Variants in BCAS1 observed in about 807,000 individuals in gnomAD.
BCAS1 encodes the protein brain enriched myelin associated protein 1.
BCAS1 carries 46 observed loss-of-function variants against 65.4 expected under a neutral mutation model. The ratio of observed to expected loss-of-function variants is 0.70; its 90% CI spans 0.55 to 0.90. The LOEUF (loss-of-function observed/expected upper bound fraction) is 0.90, where lower values mean the gene tolerates loss of function less well. Ranked by LOEUF, BCAS1 falls within the 40% of genes least tolerant of loss-of-function variation. The probability of loss-of-function intolerance (pLI) is 0.00; values close to 1 mark genes in which losing one functional copy is unlikely to be tolerated. For synonymous variants in BCAS1, 298 were observed against 293.5 expected (o/e 1.02, Z -0.16); for missense variants, 793 against 771.2 (o/e 1.03, Z -0.33).
chr20:54,067,172 T>C (rs1027297059), intron 1 of BCAS1, among the ~76,000 whole-genome samples: 2 of 152,098 alleles, frequency 1.3e-5, no homozygotes, highest in African/African-American at 4.8e-5. Context: ...GTCAGGTGTT[T>C]GAGACCATCC....
intron 10 of BCAS1, among the ~76,000 whole-genome samples, chr20:53,962,506 A>C (rs771811421): frequency 1.5e-4 from 23 of 152,210 alleles, no homozygotes; most frequent in Non-Finnish European, 3.4e-4. Flanking sequence ...ATATTGACGA[A>C]GTATAAAACT....
intron 7 of BCAS1, among the ~76,000 whole-genome samples, chr20:53,985,989 A>G (rs150262712): frequency 6.6e-6 from 1 of 152,342 alleles, no homozygotes; most frequent in Admixed American, 6.5e-5. Context: ...ATTTTTCTCC[A>G]TACTCCACTT....
At chr20:53,985,563 G>T in intron 7 of BCAS1, 64 bp from the exon 8 acceptor site, 1 of 1,447,576 alleles carries the variant, frequency 6.9e-7, no homozygotes, top group South Asian at 1.2e-5. Flanking sequence ...AAAAATGGAA[G>T]ATCTCTTTTT....
intron 9 of BCAS1, among the ~76,000 whole-genome samples, chr20:53,967,929 T>G (rs1204229459): frequency 6.6e-6 from 1 of 152,222 alleles, no homozygotes; most frequent in East Asian, 1.9e-4. Flanking sequence ...TAATTTCCTT[T>G]GTTTCCTCAG....
rs953974884 is a variant in BCAS1, at chr20:54,066,192, T to C, written c.-6+4241A>G. 2.5e-3 allele frequency among the ~76,000 whole-genome samples: 386 copies of C among 152,034 alleles called. 2 individuals carry two copies. Among genetic ancestry groups the C allele is most frequent in the African/African-American group, 8.5e-3 (352 of 41,490 alleles). ...GGTTCACACCATTCTCCTGCCTCAG[T>C]CTCCCGAGTAGCTGGGACTACAGGC... is the stretch of plus-strand genomic sequence containing the variant. On this transcript the variant is annotated intron_variant, in intron 1 of 12. Transcript: ENST00000688948.
In BCAS1 at chr20:54,045,201, A is replaced by G. The variant is rs117641011; in HGVS notation, c.142+12884T>C. ...CACTCCAGCTGGGTGACAGAGCAAG[A>G]CCTCATCTCAAAAAAAAAAAAAAAA... On this transcript the variant is annotated intron_variant, in intron 3 of 12. Coordinates refer to ENST00000688948, the MANE Select transcript of BCAS1 (RefSeq NM_001366298.2). Among the ~76,000 whole-genome samples, 1,395 of 143,006 alleles carry G rather than the reference A, an allele frequency of 9.8e-3. 15 individuals carry two copies. The highest frequency in any genetic ancestry group is 0.015 in the Non-Finnish European group (1,017 of 66,620). The allele number at this position is 143,006 out of a possible 152,430, so 93.8% of individuals were successfully genotyped here.
chr20:54,058,692 T>C lies in BCAS1; in HGVS notation c.27A>G (p.Gln9=), dbSNP rs1814331925. MGNQMSVP[Q]RVEDQENEPE... ...GTTCATTCTCTTGGTCTTCAACTCT[T>C]TGGGGAACACTCATTTGGTTACCCA... is the stretch of plus-strand genomic sequence containing the variant. Residue 9 remains glutamine, a synonymous_variant, in exon 2 of 13, where the codon CAA becomes CAG. Transcript: ENST00000688948. The C allele has an allele frequency of 1.9e-6, 3 of 1,612,276 alleles. No homozygotes were observed. The highest frequency in any genetic ancestry group is 2.5e-6 in the Non-Finnish European group (3 of 1,179,634).
At chr20:54,036,212 G>A (rs1354531935) in intron 3 of BCAS1, among the ~76,000 whole-genome samples, 6 of 150,802 alleles carry the variant, frequency 4.0e-5, no homozygotes, top group African/African-American at 7.3e-5. Flanking sequence ...AAACCTGCCC[G>A]TGTACCCCTG....
At chr20:53,966,885 T>C in intron 10 of BCAS1, 21 bp downstream of exon 10, 4 of 1,589,340 alleles carry the variant, frequency 2.5e-6, no homozygotes, top group Non-Finnish European at 3.4e-6. Context: ...AGGTTTCCTA[T>C]ACTGGAAGTA....
chr20:54,025,165 C>A (rs558696942), intron 4 of BCAS1, among the ~76,000 whole-genome samples: 1 of 152,270 alleles, frequency 6.6e-6, no homozygotes, highest in East Asian at 1.9e-4. Flanking sequence ...GCCCCACACC[C>A]CCACTCAACA....
chr20:53,985,243 A>G (rs776144947), intron 8 of BCAS1, 44 bp downstream of exon 8: 1 of 1,571,446 alleles, frequency 6.4e-7, no homozygotes, highest in Non-Finnish European at 8.7e-7. Flanking sequence ...TTCTGGAGTC[A>G]TCCCCGCCCG....
intron 8 of BCAS1, 82 bp from the exon 9 acceptor site, chr20:53,975,512 G>T: frequency 8.5e-7 from 1 of 1,174,440 alleles, no homozygotes; most frequent in Non-Finnish European, 1.2e-6. Flanking sequence ...GGTTAGTTGG[G>T]CTCACAGTCT....
chr20:53,996,304 G>A (rs1176890743), intron 4 of BCAS1, among the ~76,000 whole-genome samples: 10 of 151,994 alleles, frequency 6.6e-5, no homozygotes, highest in African/African-American at 9.7e-5. Context: ...AGCAGTGCAC[G>A]TTGCATTTCA....
intron 3 of BCAS1, among the ~76,000 whole-genome samples, chr20:54,056,924 CATT>C (rs1426683154): frequency 6.6e-6 from 1 of 152,184 alleles, no homozygotes; most frequent in Non-Finnish European, 1.5e-5. Flanking sequence ...TAAGTACTGT[CATT>C]ATTCCCACTG....
At chr20:53,950,634 A>C (rs2089490425) in intron 12 of BCAS1, among the ~76,000 whole-genome samples, 1 of 152,238 alleles carries the variant, frequency 6.6e-6, no homozygotes, top group Non-Finnish European at 1.5e-5. Flanking sequence ...TTATCTACTA[A>C]TACTTTTTAG....
intron 1 of BCAS1, among the ~76,000 whole-genome samples, chr20:54,066,642 C>T (rs992878427): frequency 2.6e-5 from 4 of 152,226 alleles, no homozygotes; most frequent in Non-Finnish European, 5.9e-5. Flanking sequence ...CTCTGTCTCT[C>T]TCTCAACCGT....
At chr20:54,046,528 CAAAAAAA>C (rs71196442) in intron 3 of BCAS1, among the ~76,000 whole-genome samples, 1 of 54,206 alleles carries the variant, frequency 1.8e-5, no homozygotes, top group African/African-American at 6.7e-5. Flanking sequence ...GACTCCATCT[CAAAAAAA>C]AAAAAAAAAA....
At chr20:54,050,273 C>G (rs903524423) in intron 3 of BCAS1, among the ~76,000 whole-genome samples, 2 of 152,228 alleles carry the variant, frequency 1.3e-5, no homozygotes. Flanking sequence ...CATCATCTCA[C>G]ATTCCTTAGT....
chr20:54,058,275 G>T, intron 2 of BCAS1, 121 bp from the exon 3 acceptor site: 2 of 920,118 alleles, frequency 2.2e-6, no homozygotes, highest in Non-Finnish European at 3.4e-6. Context: ...TAAAGGCTGT[G>T]TTTCTAGAAA....
Sources: allele counts gnomAD v4.1 joint callset (sites outside exome capture counted in the v4.1 genomes callset), GRCh38; gene constraint gnomAD v4.1.1; transcripts MANE v1.5; gene names NCBI Gene and HGNC (gene_info 2026-07-23, HGNC 2026-07-21).